Variants in KCNB2 observed in about 807,000 individuals in gnomAD.
The protein encoded by KCNB2 is potassium voltage-gated channel subfamily B member 2.
In KCNB2, 15 loss-of-function variants were observed where a neutral mutation model predicts 61.5. The observed-to-expected ratio is 0.24, with a 90% CI of 0.16 to 0.38. The LOEUF is 0.38. Ranked by LOEUF, KCNB2 falls within the 10% of genes least tolerant of loss-of-function variation. The pLI is 1.00. For missense variants in KCNB2, 828 were observed against 1,125.2 expected (o/e 0.74, Z 3.78); for synonymous variants, 457 against 446.0 (o/e 1.02, Z -0.31).
intron 2 of KCNB2, among the ~76,000 whole-genome samples, chr8:72,601,609 A>G (rs1331540704): frequency 6.6e-6 from 1 of 152,232 alleles, no homozygotes; most frequent in Admixed American, 6.5e-5. Context: ...GGTGGGACTC[A>G]TTACAACTTG....
intron 2 of KCNB2, among the ~76,000 whole-genome samples, chr8:72,841,185 G>T (rs535413927): frequency 1.3e-5 from 2 of 151,886 alleles, no homozygotes; most frequent in African/African-American, 2.4e-5. Context: ...GCTTGTTTTT[G>T]TCAGGTTTGT....
chr8:72,706,768 A>G (rs1377697338), intron 2 of KCNB2, among the ~76,000 whole-genome samples: 2 of 152,244 alleles, frequency 1.3e-5, no homozygotes, highest in African/African-American at 4.8e-5. Flanking sequence ...AGTTGCCACA[A>G]ATTTCTTAAA....
At chr8:72,647,679 G>A (rs1054174040) in intron 2 of KCNB2, among the ~76,000 whole-genome samples, 3 of 152,098 alleles carry the variant, frequency 2.0e-5, no homozygotes, top group African/African-American at 7.2e-5. Flanking sequence ...GGGAGAAGGA[G>A]GGAGTGGGAA....
At chr8:72,734,109 C>T (rs979919865) in intron 2 of KCNB2, among the ~76,000 whole-genome samples, 1 of 152,180 alleles carries the variant, frequency 6.6e-6, no homozygotes, top group Admixed American at 6.5e-5. Flanking sequence ...TAATTAGATA[C>T]TCCTTTAAGA....
chr8:72,542,705 T>A (rs1335645857), intron 1 of KCNB2, among the ~76,000 whole-genome samples: 16 of 152,104 alleles, frequency 1.1e-4, no homozygotes, highest in Admixed American at 1.0e-3. Context: ...TGTACACAAG[T>A]AACTGACATC....
chr8:72,909,252 C>G (rs13279476), intron 2 of KCNB2, among the ~76,000 whole-genome samples: 89,456 of 151,948 alleles, frequency 0.59, 27,615 homozygotes, highest in Middle Eastern at 0.7. Flanking sequence ...CGTGGTCCCA[C>G]AGGACATGTG....
At chr8:72,638,413 A>G (rs1452254498) in intron 2 of KCNB2, among the ~76,000 whole-genome samples, 1 of 152,096 alleles carries the variant, frequency 6.6e-6, no homozygotes, top group Non-Finnish European at 1.5e-5. Flanking sequence ...CACACTGACC[A>G]CCGGGCTTCC....
chr8:72,567,752 C>A lies in KCNB2; in HGVS notation c.18C>A (p.Pro6=). MAEKA[P]PGLNRKTSRS... ...AGTTCAAAATGGCAGAAAAGGCTCCCCCGGGCTTAAACAGGAAGACTTCAA... is the reference window on the plus strand; with the variant it reads ...AGTTCAAAATGGCAGAAAAGGCTCCACCGGGCTTAAACAGGAAGACTTCAA... Residue 6 remains proline, a synonymous_variant, in exon 2 of 3, where the codon CCC becomes CCA. Coordinates refer to ENST00000523207, the MANE Select transcript of KCNB2 (RefSeq NM_004770.3). The A allele has an allele frequency of 6.4e-7, 1 of 1,572,684 alleles. No individual in the cohort carries two copies. Among genetic ancestry groups the A allele is most frequent in the Non-Finnish European group, 8.6e-7 (1 of 1,161,972 alleles).
chr8:72,543,483 G>A (rs1213414144), intron 1 of KCNB2, among the ~76,000 whole-genome samples: 2 of 152,174 alleles, frequency 1.3e-5, no homozygotes, highest in African/African-American at 4.8e-5. Context: ...TATTCATTGA[G>A]TGTGACAGCA....
chr8:72,872,962 C>T (rs1383165894), intron 2 of KCNB2, among the ~76,000 whole-genome samples: 1 of 152,196 alleles, frequency 6.6e-6, no homozygotes, highest in Admixed American at 6.5e-5. Flanking sequence ...TTCCCAGTGC[C>T]TCTCCATGGC....
chr8:72,908,823 T>C (rs1452349532), intron 2 of KCNB2, among the ~76,000 whole-genome samples: 4 of 152,154 alleles, frequency 2.6e-5, no homozygotes, highest in South Asian at 2.1e-4. Flanking sequence ...CTCCTTCCCA[T>C]AGAGTGGGGC....
At chr8:72,560,846 C>T (rs1806500104) in intron 1 of KCNB2, among the ~76,000 whole-genome samples, 1 of 151,916 alleles carries the variant, frequency 6.6e-6, no homozygotes, top group African/African-American at 2.4e-5. Context: ...TATAAAAGGC[C>T]ATTTTTCTAA....
chr8:72,547,996 G>A (rs563831831), intron 1 of KCNB2, among the ~76,000 whole-genome samples: 1 of 152,232 alleles, frequency 6.6e-6, no homozygotes, highest in East Asian at 1.9e-4. Flanking sequence ...CTACCACTGA[G>A]ATCAGTCAGC....
chr8:72,777,322 T>C (rs1376459361), intron 2 of KCNB2, among the ~76,000 whole-genome samples: 1 of 152,174 alleles, frequency 6.6e-6, no homozygotes, highest in Non-Finnish European at 1.5e-5. Flanking sequence ...ACTTGGCAGA[T>C]GAGAGGACAA....
chr8:72,632,656 G>T (rs965434285), intron 2 of KCNB2, among the ~76,000 whole-genome samples: 2 of 152,072 alleles, frequency 1.3e-5, no homozygotes, highest in African/African-American at 4.8e-5. Flanking sequence ...TCATGATTCT[G>T]CCTATTTTGT....
At chr8:72,830,175 T>C (rs2129001784) in intron 2 of KCNB2, among the ~76,000 whole-genome samples, 1 of 144,496 alleles carries the variant, frequency 6.9e-6, no homozygotes, top group East Asian at 2.1e-4. Flanking sequence ...CTCCCACATA[T>C]GTTGCTGTAA....
At chr8:72,896,743 T>C (rs912802625) in intron 2 of KCNB2, among the ~76,000 whole-genome samples, 6 of 152,162 alleles carry the variant, frequency 3.9e-5, no homozygotes, top group South Asian at 2.1e-4. Flanking sequence ...TTTTTCAAAA[T>C]GACTGATTTT....
chr8:72,859,660 G>A (rs1020116998), intron 2 of KCNB2, among the ~76,000 whole-genome samples: 3 of 134,562 alleles, frequency 2.2e-5, no homozygotes, highest in Admixed American at 7.6e-5. Flanking sequence ...GTAGCATAAT[G>A]ATTTCAAGAT....
chr8:72,921,999 A>G (rs1164933783), intron 2 of KCNB2, among the ~76,000 whole-genome samples: 2 of 152,162 alleles, frequency 1.3e-5, no homozygotes, highest in African/African-American at 4.8e-5. Context: ...TAACCTGGCC[A>G]TATTCATTTC....
Sources: gnomAD v4.1 joint callset for allele counts (sites outside exome capture counted in the v4.1 genomes callset) on GRCh38, gnomAD v4.1.1 for gene constraint, MANE v1.5 for transcripts, NCBI Gene and HGNC (gene_info 2026-07-23, HGNC 2026-07-21) for gene names.